The following SLC12A8 variants were observed in gnomAD, a reference collection of about 807,000 sequenced individuals.
The protein encoded by SLC12A8 is cation-chloride cotransporter 9.
SLC12A8 carries 69 observed loss-of-function variants against 75.6 expected under a neutral mutation model. That is an observed-to-expected ratio of 0.91 (90% CI 0.75 to 1.11). The LOEUF is 1.11. Among genes scored for constraint, SLC12A8 ranks in the 50% most tolerant of loss-of-function variants. The probability of loss-of-function intolerance (pLI) is 0.00; values close to 1 mark genes in which losing one functional copy is unlikely to be tolerated. For missense variants in SLC12A8, 877 were observed against 896.7 expected (o/e 0.98, Z 0.28); for synonymous variants, 365 against 372.8 (o/e 0.98, Z 0.24).
At chr3:125,170,634 G>T (rs1934386896) in intron 5 of SLC12A8, among the ~76,000 whole-genome samples, 1 of 152,236 alleles carries the variant, frequency 6.6e-6, no homozygotes, top group African/African-American at 2.4e-5. Flanking sequence ...TAGACTGGGG[G>T]CCGGGCGTGG....
intron 2 of SLC12A8, among the ~76,000 whole-genome samples, chr3:125,209,756 G>A (rs1424840388): frequency 1.3e-5 from 2 of 152,246 alleles, no homozygotes; most frequent in Non-Finnish European, 2.9e-5. Flanking sequence ...TAACCATCAC[G>A]GAGGGCCCTG....
rs914855528 is a variant in SLC12A8, at chr3:125,152,840, T to C, written c.623-17058A>G. On this transcript the variant is annotated intron_variant, in intron 5 of 13. Transcript: ENST00000469902. ...ATCAGAAAAGCATATATTGCTGACATGGATTCCCTGTTTCATGAGGGCAGG... is the reference window on the plus strand; with the variant it reads ...ATCAGAAAAGCATATATTGCTGACACGGATTCCCTGTTTCATGAGGGCAGG... Among the ~76,000 whole-genome samples the C allele has an allele frequency of 2.0e-5, 3 of 152,276 alleles. No homozygotes were observed. The Middle Eastern group carries it at 0.01, about 518-fold the overall frequency.
intron 10 of SLC12A8, among the ~76,000 whole-genome samples, chr3:125,099,351 G>A (rs553450055): frequency 6.6e-6 from 1 of 152,274 alleles, no homozygotes; most frequent in South Asian, 2.1e-4. Context: ...ATATATATCA[G>A]AATAAAGAGT....
chr3:125,111,202 T>A (rs573510257), intron 8 of SLC12A8, among the ~76,000 whole-genome samples: 47 of 152,294 alleles, frequency 3.1e-4, no homozygotes, highest in Non-Finnish European at 4.7e-4. Context: ...TACCCTAGAA[T>A]TCTTGGTGCC....
chr3:125,157,354 G>A (rs893533121), intron 5 of SLC12A8, among the ~76,000 whole-genome samples: 9 of 152,132 alleles, frequency 5.9e-5, no homozygotes, highest in Non-Finnish European at 1.2e-4. Context: ...CGATAAACCT[G>A]TCATAAGTGA....
At chr3:125,157,692 C>T (rs536982802) in intron 5 of SLC12A8, among the ~76,000 whole-genome samples, 1 of 152,338 alleles carries the variant, frequency 6.6e-6, no homozygotes, top group Admixed American at 6.5e-5. Flanking sequence ...TCACCATCCC[C>T]AGTTTACTAC....
intron 10 of SLC12A8, among the ~76,000 whole-genome samples, chr3:125,095,792 C>T (rs968547414): frequency 6.6e-6 from 1 of 152,182 alleles, no homozygotes. Flanking sequence ...AAGAGAGCCT[C>T]CCACGGAGTT....
intron 2 of SLC12A8, among the ~76,000 whole-genome samples, chr3:125,199,678 C>T (rs187980840): frequency 1.3e-5 from 2 of 151,440 alleles, no homozygotes; most frequent in South Asian, 2.1e-4. Flanking sequence ...CCCAGGAGTT[C>T]GAGGCTACAA....
At chr3:125,134,141 G>A (rs2981507) in intron 6 of SLC12A8, among the ~76,000 whole-genome samples, 11,184 of 151,922 alleles carry the variant, frequency 0.074, 491 homozygotes, top group Admixed American at 0.096. Context: ...TCGCTCTGTC[G>A]CCCAGGCTGG....
chr3:125,122,112 G>A (rs1234884580), intron 6 of SLC12A8, among the ~76,000 whole-genome samples: 1 of 152,232 alleles, frequency 6.6e-6, no homozygotes, highest in Non-Finnish European at 1.5e-5. Flanking sequence ...TTGTGACATG[G>A]AAAGATGTTT....
chr3:125,097,398 A>G (rs567703502), intron 10 of SLC12A8, among the ~76,000 whole-genome samples: 4 of 152,280 alleles, frequency 2.6e-5, no homozygotes, highest in African/African-American at 9.6e-5. Context: ...CAAAAAAAAA[A>G]AAGAAGAAGA....
rs78346604 is a variant in SLC12A8 at position 125,186,296 on chromosome 3, T to C, written c.390+941A>G. Among the ~76,000 whole-genome samples the C allele has an allele frequency of 5.4e-3, 823 of 152,328 alleles. 27 individuals carry two copies. The East Asian group carries it at 0.096, about 18-fold the overall frequency. On this transcript the variant is annotated intron_variant, in intron 4 of 13. Transcript: ENST00000469902. Reference sequence around the variant, plus strand: ...TTTAAGAGTGCAGAGGCCATCTGTTTGCCTTTCCTGCACTGTCTTAGACAC... The same window carrying C: ...TTTAAGAGTGCAGAGGCCATCTGTTCGCCTTTCCTGCACTGTCTTAGACAC...
At chr3:125,140,704 T>C (rs1360489322) in intron 5 of SLC12A8, among the ~76,000 whole-genome samples, 1 of 152,144 alleles carries the variant, frequency 6.6e-6, no homozygotes, top group African/African-American at 2.4e-5. Context: ...TTCCTTTTTT[T>C]TTTTCTTTTC....
chr3:125,206,443 A>G (rs1935228017), intron 2 of SLC12A8, among the ~76,000 whole-genome samples: 1 of 152,028 alleles, frequency 6.6e-6, no homozygotes, highest in Admixed American at 6.5e-5. Context: ...ACTAGGCCAG[A>G]AGATCTCTGA....
In SLC12A8 at chr3:125,103,780, G is replaced by A. The variant is rs375367738; in HGVS notation, c.1705+3701C>T. 3.3e-5 allele frequency among the ~76,000 whole-genome samples: 5 copies of A among 151,916 alleles called. No individual in the cohort carries two copies. The South Asian group carries it at 1.0e-3, about 32-fold the overall frequency. The stretch of plus-strand genomic sequence containing the variant: ...CCCAAGTAGCTGAGACTACAGGCAT[G>A]TGCCACTATACCCCCACTAATTTTT... On this transcript the variant is annotated intron_variant, in intron 10 of 13. Coordinates refer to ENST00000469902, the MANE Select transcript of SLC12A8 (RefSeq NM_024628.6).
intron 5 of SLC12A8, among the ~76,000 whole-genome samples, chr3:125,143,102 A>T (rs1384921508): frequency 6.6e-6 from 1 of 152,242 alleles, no homozygotes; most frequent in Non-Finnish European, 1.5e-5. Context: ...AGGAAACTGA[A>T]GTGCAGAGCT....
chr3:125,103,799 A>T (rs1938948031), intron 10 of SLC12A8, among the ~76,000 whole-genome samples: 1 of 151,852 alleles, frequency 6.6e-6, no homozygotes, highest in Non-Finnish European at 1.5e-5. Context: ...TACCCCCACT[A>T]ATTTTTTAGT....
At chr3:125,209,536 G>A (rs1350082526) in intron 2 of SLC12A8, among the ~76,000 whole-genome samples, 1 of 152,138 alleles carries the variant, frequency 6.6e-6, no homozygotes, top group Non-Finnish European at 1.5e-5. Context: ...CCAATTCCTA[G>A]CCAGGTAAGT....
chr3:125,160,856 A>T (rs372963408), intron 5 of SLC12A8, among the ~76,000 whole-genome samples: 104,130 of 138,628 alleles, frequency 0.75, 37,315 homozygotes, highest in East Asian at 0.8. Flanking sequence ...GGCACAGGGC[A>T]CAGCCAGAGC....
Sources: allele counts gnomAD v4.1 joint callset (sites outside exome capture counted in the v4.1 genomes callset), GRCh38; gene constraint gnomAD v4.1.1; transcripts MANE v1.5; gene names NCBI Gene and HGNC (gene_info 2026-07-23, HGNC 2026-07-21).